The following CNTNAP2 variants were observed in gnomAD, a reference collection of about 807,000 sequenced individuals.
The protein encoded by CNTNAP2 is contactin associated protein 2.
In CNTNAP2, 98 loss-of-function variants were observed where a neutral mutation model predicts 155.2. That is an observed-to-expected ratio of 0.63 (90% confidence interval 0.54 to 0.75). The LOEUF (loss-of-function observed/expected upper bound fraction) is 0.75. Ranked by LOEUF, CNTNAP2 falls within the 30% of genes least tolerant of loss-of-function variation. The pLI is 0.00. For synonymous variants in CNTNAP2, 651 were observed against 631.2 expected, an observed-to-expected ratio of 1.03 and a Z score of -0.47; for missense variants, 1,727 against 1,688.1, an observed-to-expected ratio of 1.02 and a Z score of -0.40.
At chr7:148,301,710 A>T (rs1458765571) in intron 21 of CNTNAP2, among the ~76,000 whole-genome samples, 2 of 152,166 alleles carry the variant, frequency 1.3e-5, no homozygotes, top group African/African-American at 4.8e-5. Context: ...TGTAGCTCGG[A>T]TGTGGATCTG....
chr7:147,056,104 C>T (rs1385091939), intron 4 of CNTNAP2, among the ~76,000 whole-genome samples: 1 of 152,146 alleles, frequency 6.6e-6, no homozygotes, highest in Non-Finnish European at 1.5e-5. Context: ...TAATTACTAA[C>T]TTTAGCCAAA....
In CNTNAP2 at chr7:146,352,656, A is replaced by G. The variant is rs10225674; in HGVS notation, c.97+235683A>G. Among the ~76,000 whole-genome samples, 5 of 149,900 alleles carry G rather than the reference A, an allele frequency of 3.3e-5. No individual in the cohort carries two copies. The South Asian group carries it at 8.4e-4, about 25-fold the overall frequency. ...ATAACATTTCTATGAAATCATCCTC[A>G]TCTTTGGGAGATTTATTATAAACAA... On this transcript the variant is annotated intron_variant, in intron 1 of 23. Transcript: ENST00000361727.
intron 11 of CNTNAP2, among the ~76,000 whole-genome samples, chr7:147,512,215 A>G (rs1400091746): frequency 6.6e-6 from 1 of 152,144 alleles, no homozygotes; most frequent in African/African-American, 2.4e-5. Flanking sequence ...GCACTCATGT[A>G]TTACTAATTC....
chr7:146,936,634 G>C (rs1796920568), intron 3 of CNTNAP2, among the ~76,000 whole-genome samples: 2 of 152,140 alleles, frequency 1.3e-5, no homozygotes, highest in Non-Finnish European at 2.9e-5. Flanking sequence ...TAACTTAATA[G>C]GTAGACAAGA....
At chr7:148,252,310 A>T (rs976989424) in intron 20 of CNTNAP2, among the ~76,000 whole-genome samples, 9 of 152,270 alleles carry the variant, frequency 5.9e-5, no homozygotes, top group African/African-American at 1.7e-4. Context: ...TTGAGTCCCA[A>T]CGTAGCTACA....
chr7:146,594,409 A>G (rs571615470), intron 1 of CNTNAP2, among the ~76,000 whole-genome samples: 1 of 146,136 alleles, frequency 6.8e-6, no homozygotes, highest in Non-Finnish European at 1.5e-5. Context: ...ACTTTATTCT[A>G]TAACTGATTT....
At chr7:147,739,765 T>G (rs1796924713) in intron 13 of CNTNAP2, among the ~76,000 whole-genome samples, 1 of 152,112 alleles carries the variant, frequency 6.6e-6, no homozygotes, top group Non-Finnish European at 1.5e-5. Flanking sequence ...TATAATAAAA[T>G]GTATCATCAA....
rs879792985 is a variant in CNTNAP2, at chr7:147,723,570, CTT to C, written c.2098+84274_2098+84275del. On this transcript the variant is annotated intron_variant, in intron 13 of 23. Coordinates refer to ENST00000361727, the MANE Select transcript of CNTNAP2 (RefSeq NM_014141.6). ...TTGGCCCTGTAATGATAGACTTTGT[CTT>C]TTTTTTTTTAGAACTCTAGTTGCAA... 3.4e-5 allele frequency among the ~76,000 whole-genome samples: 5 copies of C among 145,390 alleles called. No homozygotes were observed. The South Asian group carries it at 1.1e-3, about 32-fold the overall frequency.
At chr7:146,411,735 G>A (rs1283980247) in intron 1 of CNTNAP2, among the ~76,000 whole-genome samples, 6 of 152,028 alleles carry the variant, frequency 3.9e-5, no homozygotes, top group African/African-American at 1.4e-4. Context: ...ATAATATAAA[G>A]TCAGTTTTAA....
chr7:146,333,333 G>A (rs1801217146), intron 1 of CNTNAP2, among the ~76,000 whole-genome samples: 1 of 152,124 alleles, frequency 6.6e-6, no homozygotes, highest in South Asian at 2.1e-4. Flanking sequence ...AATGTTGGGT[G>A]ATCAGGGTGA....
At chr7:148,198,284 T>G (rs949256998) in intron 18 of CNTNAP2, among the ~76,000 whole-genome samples, 2 of 152,128 alleles carry the variant, frequency 1.3e-5, no homozygotes, top group Non-Finnish European at 2.9e-5. Context: ...TTTGAGGTGA[T>G]AGGTTTGGCA....
intron 21 of CNTNAP2, among the ~76,000 whole-genome samples, chr7:148,313,298 T>C (rs985605962): frequency 6.8e-6 from 1 of 147,616 alleles, no homozygotes; most frequent in Non-Finnish European, 1.5e-5. Context: ...GCTTCCGAGG[T>C]GATCGGGCAG....
chr7:147,827,803 C>T (rs1798480630), intron 13 of CNTNAP2, among the ~76,000 whole-genome samples: 1 of 152,058 alleles, frequency 6.6e-6, no homozygotes, highest in Admixed American at 6.6e-5. Flanking sequence ...AGTTGTTTTC[C>T]AGGCCAAAGC....
rs142680998 is a variant in CNTNAP2, at chr7:146,878,524, A to G, written c.402+38620A>G. On this transcript the variant is annotated intron_variant, in intron 3 of 23. Transcript: ENST00000361727. The stretch of plus-strand genomic sequence containing the variant: ...GACCTAAGGTAGGAGTTAGAAAACC[A>G]TATCTTTTTAATATCATAAAGCAGA... Among the ~76,000 whole-genome samples the G allele has an allele frequency of 6.0e-3, 906 of 152,028 alleles. 10 individuals are homozygous for G. Among genetic ancestry groups the G allele is most frequent in the African/African-American group, 0.021 (856 of 41,462 alleles).
intron 15 of CNTNAP2, among the ~76,000 whole-genome samples, chr7:148,085,721 T>TTCCC (rs969811932): frequency 6.6e-6 from 1 of 151,922 alleles, no homozygotes; most frequent in Non-Finnish European, 1.5e-5. Flanking sequence ...CCTTCCTTCC[T>TTCCC]TCCCTCCTTC....
At chr7:146,702,375 T>A (rs952246661) in intron 1 of CNTNAP2, among the ~76,000 whole-genome samples, 72 of 152,090 alleles carry the variant, frequency 4.7e-4, no homozygotes, top group Non-Finnish European at 2.6e-4. Context: ...ATAGAAAAAA[T>A]TAAGTATTTT....
At chr7:146,426,319 T>G (rs1796088987) in intron 1 of CNTNAP2, among the ~76,000 whole-genome samples, 1 of 150,870 alleles carries the variant, frequency 6.6e-6, no homozygotes, top group African/African-American at 2.4e-5. Flanking sequence ...TGTGTTGCTG[T>G]TTTAGGCTCA....
intron 14 of CNTNAP2, among the ~76,000 whole-genome samples, chr7:147,950,874 G>A (rs115677756): frequency 2.0e-4 from 31 of 152,262 alleles, no homozygotes; most frequent in African/African-American, 6.3e-4. Flanking sequence ...AGAGAAATCC[G>A]TACCAAAAAA....
rs374403294 is a variant in CNTNAP2, at chr7:148,041,212, C to T, written c.2383+63223C>T. On this transcript the variant is annotated intron_variant, in intron 15 of 23. Transcript: ENST00000361727. ...TTCAGGCAAATCAACCCCTCAGTAA[C>T]TCCAGGCAAATGAATATAGGCCTTT... 2.0e-5 allele frequency among the ~76,000 whole-genome samples: 3 copies of T among 152,286 alleles called. No homozygotes were observed. The East Asian group carries it at 5.8e-4, about 29-fold the overall frequency.
Sources: allele counts gnomAD v4.1 joint callset (sites outside exome capture counted in the v4.1 genomes callset), GRCh38; gene constraint gnomAD v4.1.1; transcripts MANE v1.5; gene names NCBI Gene and HGNC (gene_info 2026-07-23, HGNC 2026-07-21).